ZKSCAN7: variants seen among roughly 807,000 people sequenced by gnomAD.
ZKSCAN7 encodes the protein zinc finger with KRAB and SCAN domains 7, also known as zinc finger protein with KRAB and SCAN domains 7.
ZKSCAN7 carries 38 observed loss-of-function variants against 65.3 expected under a neutral mutation model. The ratio of observed to expected loss-of-function variants is 0.58; its 90% CI spans 0.45 to 0.76. The LOEUF (loss-of-function observed/expected upper bound fraction) is 0.76, where lower values mean the gene tolerates loss of function less well. ZKSCAN7 is among the 30% of genes least tolerant of loss of function. ZKSCAN7 has a pLI of 0.00. For missense variants in ZKSCAN7, 815 were observed against 913.3 expected (o/e 0.89, Z 1.39); for synonymous variants, 321 against 321.0 (o/e 1.00, Z 0.00).
downstream of ZKSCAN7, among the ~76,000 whole-genome samples, chr3:44,576,454 C>T (rs1222481872): frequency 6.6e-6 from 1 of 151,784 alleles, no homozygotes; most frequent in Non-Finnish European, 1.5e-5. Flanking sequence ...TTTTTTTTTA[C>T]TTTCAGGATT....
At chr3:44,580,888 C>T in intron 5 of ZKSCAN7, 1 of 1,613,722 alleles carries the variant, frequency 6.2e-7, no homozygotes, top group Non-Finnish European at 8.5e-7. Context: ...AGCCAACCGC[C>T]ATAAATGGGT....
At chr3:44,558,375 AT>A (rs1408104078) in intron 2 of ZKSCAN7, among the ~76,000 whole-genome samples, 1 of 152,014 alleles carries the variant, frequency 6.6e-6, no homozygotes, top group Non-Finnish European at 1.5e-5. Context: ...AAATACAAAA[AT>A]TTGCTAGGTA....
At chr3:44,574,810 A>C (rs1483229535), downstream of ZKSCAN7, among the ~76,000 whole-genome samples, 2 of 152,130 alleles carry the variant, frequency 1.3e-5, no homozygotes, top group East Asian at 3.9e-4. Context: ...GGCACCTGTA[A>C]TCCCAGCTAC....
At chr3:44,580,169 G>C in intron 5 of ZKSCAN7, 1 of 1,610,568 alleles carries the variant, frequency 6.2e-7, no homozygotes, top group Non-Finnish European at 8.5e-7. Context: ...GGCTGGGAGG[G>C]GAGAGCGGCG....
At chr3:44,575,997 A>G (rs528234348), downstream of ZKSCAN7, among the ~76,000 whole-genome samples, 3 of 152,284 alleles carry the variant, frequency 2.0e-5, no homozygotes, top group East Asian at 5.8e-4. Flanking sequence ...AGTATGCATA[A>G]TATAGCAGTT....
At chr3:44,558,249 G>A (rs1216895695) in intron 2 of ZKSCAN7, among the ~76,000 whole-genome samples, 2 of 152,028 alleles carry the variant, frequency 1.3e-5, no homozygotes, top group East Asian at 1.9e-4. Context: ...TGGTGGCTGG[G>A]CATGGTAGCT....
rs1699312970 is a variant in ZKSCAN7, at chr3:44,557,023, T to C, written c.-25T>C. On this transcript the variant is annotated 5_prime_UTR_variant, in exon 2 of 6. Coordinates refer to ENST00000426540, the MANE Select transcript of ZKSCAN7 (RefSeq NM_001288590.2). ...ATTTTAATCGGACCAACTGCAGCTG[T>C]AACAAGCTTCTCTTTGGGGTCACAA... The C allele has an allele frequency of 3.1e-6, 5 of 1,613,714 alleles. No individual in the cohort carries two copies. The highest frequency in any genetic ancestry group is 4.2e-6 in the Non-Finnish European group (5 of 1,179,914).
intron 5 of ZKSCAN7, among the ~76,000 whole-genome samples, 173 bp from the exon 6 acceptor site, chr3:44,569,749 T>G (rs1383737821): frequency 6.6e-6 from 1 of 152,148 alleles, no homozygotes; most frequent in East Asian, 1.9e-4. Context: ...TTCCTGTCCC[T>G]AGGGAAAAAA....
At chr3:44,569,564 G>C (rs892259438) in intron 5 of ZKSCAN7, among the ~76,000 whole-genome samples, 1 of 152,216 alleles carries the variant, frequency 6.6e-6, no homozygotes, top group East Asian at 1.9e-4. Flanking sequence ...TGGTTGGAAG[G>C]GATCTTAGAG....
chr3:44,580,103 G>T lies in ZKSCAN7; in HGVS notation c.812-2869G>T. 2.5e-6 allele frequency: 4 copies of T among 1,608,176 alleles called. No individual in the cohort carries two copies. In the South Asian group the frequency reaches 3.3e-5, roughly 13 times the overall value. ...TCTCCATGTGCTCTGCCTTCTCAAT[G>T]TCCAAGGCCTCAAACTTTTCAATCA... On this transcript the variant is annotated intron_variant, in intron 5 of 5. Coordinates refer to the ZKSCAN7 transcript ENST00000341840.
At chr3:44,578,433 G>C (rs1559433507) in intron 5 of ZKSCAN7, 2 of 1,614,154 alleles carry the variant, frequency 1.2e-6, no homozygotes, top group African/African-American at 1.3e-5. Flanking sequence ...GCAGCCAGGC[G>C]GTTGTTCAGC....
chr3:44,570,295 T>C lies in ZKSCAN7; in HGVS notation c.1185T>C (p.Ser395=), dbSNP rs754830833. 1 of 1,614,076 alleles carries C rather than the reference T, an allele frequency of 6.2e-7. No individual in the cohort carries two copies. The highest frequency in any genetic ancestry group is 1.1e-5 in the South Asian group (1 of 91,078). ...CDECGKAFNR[S]SHLIGHQRIH... ...AATGTGGCAAAGCTTTCAATCGGAG[T>C]TCTCACCTTATTGGCCATCAGAGAA... The change falls in exon 6 of 6, where the codon AGT becomes AGC. Residue 395 remains serine, a synonymous_variant. Coordinates refer to ENST00000426540, the MANE Select transcript of ZKSCAN7 (RefSeq NM_001288590.2).
Position 44,571,016 on chromosome 3 carries a change from A to G in ZKSCAN7, c.1906A>G (p.Lys636Glu), listed in dbSNP as rs1699791319. ...ACTTCACACGGGTGAAAAGCCCTAT[A>G]AATGCAATGAGTGTGGAAAATCCTT... is the stretch of plus-strand genomic sequence containing the variant. ...QRLHTGEKPYKCNECGKSFNQ... is the reference protein window; with the variant it reads ...QRLHTGEKPYECNECGKSFNQ... Residue 636 changes from lysine (K) to glutamate (E), a missense_variant, in exon 6 of 6, where the codon AAA becomes GAA. Lys to Glu is a moderately conservative substitution (Grantham distance 56). This residue lies in a region of ZKSCAN7 where 578 missense variants were observed against 629.5 expected (regional missense o/e 0.92). Coordinates refer to ENST00000426540, the MANE Select transcript of ZKSCAN7 (RefSeq NM_001288590.2). 2.5e-6 allele frequency: 4 copies of G among 1,614,002 alleles called. No individual in the cohort carries two copies. In the South Asian group the frequency reaches 3.3e-5, roughly 13 times the overall value.
chr3:44,583,394 G>T (rs1700137874), exon 6 of ZKSCAN7: 1 of 152,560 alleles, frequency 6.6e-6, no homozygotes, highest in Admixed American at 6.5e-5. Flanking sequence ...CCACCTACAT[G>T]AGCCAATGGA....
chr3:44,572,149 T>A lies in ZKSCAN7; in HGVS notation c.*774T>A, dbSNP rs1312686695. The A allele has an allele frequency of 3.7e-5, 36 of 985,304 alleles. No individual in the cohort carries two copies. Among genetic ancestry groups the A allele is most frequent in the Non-Finnish European group, 4.1e-5 (34 of 829,914 alleles). 61.0% of individuals were successfully genotyped at this position (985,304 alleles called of 1,614,324 possible). On this transcript the variant is annotated 3_prime_UTR_variant, in exon 6 of 6. Transcript: ENST00000426540. ...TACCAGTTGTTAAATAAATAATTTTTAAAATCTCAGCTCTCACATTGAATT... is the reference window on the plus strand; with the variant it reads ...TACCAGTTGTTAAATAAATAATTTTAAAAATCTCAGCTCTCACATTGAATT...
At chr3:44,580,246 C>G (rs1348645790) in intron 5 of ZKSCAN7, 16 of 1,612,596 alleles carry the variant, frequency 9.9e-6, no homozygotes, top group Non-Finnish European at 1.2e-5. Flanking sequence ...TAGCTGCTCT[C>G]CCCCCGGACT....
intron 2 of ZKSCAN7, 71 bp downstream of exon 2, chr3:44,557,541 C>A (rs2125707831): frequency 6.3e-7 from 1 of 1,598,506 alleles, no homozygotes; most frequent in Non-Finnish European, 8.5e-7. Flanking sequence ...AATAGGCATT[C>A]TCCACTTCCC....
At chr3:44,568,510 CT>C (rs1459678687) in intron 5 of ZKSCAN7, 77 bp downstream of exon 5, 1 of 1,542,364 alleles carries the variant, frequency 6.5e-7, no homozygotes, top group Non-Finnish European at 8.7e-7. Context: ...TCTCTTTAAA[CT>C]TTTTACCATG....
chr3:44,580,578 C>T (rs186971700), intron 5 of ZKSCAN7: 22 of 1,613,848 alleles, frequency 1.4e-5, no homozygotes, highest in Admixed American at 1.3e-4. Context: ...CTTGTTGGTC[C>T]GGGGATAGAC....
Sources: gnomAD v4.1 joint callset for allele counts (sites outside exome capture counted in the v4.1 genomes callset) on GRCh38, gnomAD v4.1.1 for gene constraint, gnomAD v4.1.1 regional missense constraint, MANE v1.5 for transcripts, NCBI Gene and HGNC (gene_info 2026-07-23, HGNC 2026-07-21) for gene names.